The following LDHB variants were observed in gnomAD, a reference collection of about 807,000 sequenced individuals.
The protein encoded by LDHB is L-lactate dehydrogenase B chain.
In LDHB, 18 loss-of-function variants were observed where a neutral mutation model predicts 33.4. That is an observed-to-expected ratio of 0.54 (90% confidence interval 0.37 to 0.80). The LOEUF is 0.80. LDHB is among the 30% of genes least tolerant of loss of function. The pLI, the probability that LDHB is intolerant of heterozygous loss-of-function variation, is 0.00. For missense variants in LDHB, 345 were observed against 407.9 expected (o/e 0.85, Z 1.33); for synonymous variants, 121 against 140.6 (o/e 0.86, Z 0.98).
intron 7 of LDHB, 32 bp from the exon 8 acceptor site, chr12:21,635,741 C>T: frequency 3.1e-6 from 5 of 1,602,812 alleles, no homozygotes; most frequent in Non-Finnish European, 4.3e-6. Flanking sequence ...GAGATTAAGA[C>T]ATGAAACTGT....
intron 5 of LDHB, among the ~76,000 whole-genome samples, chr12:21,638,824 T>G (rs1314253971): frequency 6.6e-6 from 1 of 152,032 alleles, no homozygotes; most frequent in Non-Finnish European, 1.5e-5. Context: ...TGTTTAACTT[T>G]TCTCCTCCAT....
rs1045046439 is a variant in LDHB, at chr12:21,655,273, A to C, written c.-6-596T>G. ...TAGGTTGTTAATATTTCTGGCTAAA[A>C]ACCTGTGAACATTTGTTTAAATTAG... On this transcript the variant is annotated intron_variant, in intron 1 of 7. Transcript: ENST00000350669. Among the ~76,000 whole-genome samples the C allele has an allele frequency of 3.3e-5, 5 of 152,204 alleles. No individual in the cohort carries two copies. The South Asian group carries it at 6.2e-4, about 19-fold the overall frequency.
At chr12:21,652,110 C>T (rs372492226) in intron 2 of LDHB, among the ~76,000 whole-genome samples, 9 of 151,836 alleles carry the variant, frequency 5.9e-5, no homozygotes, top group African/African-American at 2.2e-4. Context: ...TTTATGATTA[C>T]ATCATAGAGG....
chr12:21,642,224 TC>T, intron 4 of LDHB, 99 bp from the exon 5 acceptor site: 1 of 781,320 alleles, frequency 1.3e-6, no homozygotes, highest in Non-Finnish European at 2.3e-6. Context: ...ACTTCCCCAC[TC>T]CCCAAATGAG....
At chr12:21,654,845 G>T (rs1448178421) in intron 1 of LDHB, among the ~76,000 whole-genome samples, 168 bp from the exon 2 acceptor site, 1 of 151,990 alleles carries the variant, frequency 6.6e-6, no homozygotes, top group African/African-American at 2.4e-5. Context: ...AGACCCGGCT[G>T]GGCATGGTGG....
At chr12:21,642,535 T>C (rs1938402533) in intron 4 of LDHB, among the ~76,000 whole-genome samples, 1 of 152,170 alleles carries the variant, frequency 6.6e-6, no homozygotes, top group Non-Finnish European at 1.5e-5. Context: ...AAGCCTTTGA[T>C]TACTAAACTA....
At chr12:21,650,493 T>G (rs992942971) in intron 2 of LDHB, among the ~76,000 whole-genome samples, 4 of 152,200 alleles carry the variant, frequency 2.6e-5, no homozygotes, top group Admixed American at 2.6e-4. Flanking sequence ...TGGCTACAGT[T>G]GACTGAAGCA....
At chr12:21,643,322 T>A (rs1424953414) in intron 4 of LDHB, among the ~76,000 whole-genome samples, 2 of 152,238 alleles carry the variant, frequency 1.3e-5, no homozygotes, top group East Asian at 3.8e-4. Context: ...AAGCAGTATA[T>A]CAAATAGAGC....
intron 2 of LDHB, among the ~76,000 whole-genome samples, chr12:21,651,447 G>C (rs528376693): frequency 2.0e-5 from 3 of 152,296 alleles, no homozygotes; most frequent in Admixed American, 6.5e-5. Flanking sequence ...ACTGTACAAA[G>C]GGGCCTTAGT....
At chr12:21,655,302 A>G (rs1352246087) in intron 1 of LDHB, among the ~76,000 whole-genome samples, 4 of 152,192 alleles carry the variant, frequency 2.6e-5, no homozygotes, top group Non-Finnish European at 5.9e-5. Context: ...AAATTAGCTA[A>G]TTTGTTTGTT....
chr12:21,638,643 G>A (rs1483905070), intron 5 of LDHB, 173 bp from the exon 6 acceptor site: 8 of 589,796 alleles, frequency 1.4e-5, no homozygotes, highest in African/African-American at 9.3e-5. Flanking sequence ...AAAGGCTGAC[G>A]TTTGCCTTCA....
chr12:21,650,506 G>C (rs1677085), intron 2 of LDHB, among the ~76,000 whole-genome samples: 143,935 of 152,282 alleles, frequency 0.95, 68,523 homozygotes, highest in East Asian at 1. Flanking sequence ...CTGAAGCAAA[G>C]ATAAACACTC....
rs1411387167 is a variant in LDHB at position 21,640,439 on chromosome 12, CTA to C, written c.595+1511_595+1512del. ...ACTTCAATTTAAGTTCCTAAAGAAA[CTA>C]TTTAGTTTTATCATACAGTCTCTTA... On this transcript the variant is annotated intron_variant, in intron 5 of 7. Transcript: ENST00000350669. Among the ~76,000 whole-genome samples the C allele has an allele frequency of 1.1e-4, 17 of 151,586 alleles. No individual in the cohort carries two copies. The South Asian group carries it at 3.5e-3, about 31-fold the overall frequency.
At chr12:21,643,883 A>C in intron 4 of LDHB, 52 bp downstream of exon 4, 1 of 1,389,998 alleles carries the variant, frequency 7.2e-7, no homozygotes, top group Non-Finnish European at 1.0e-6. Context: ...AACAACAGAA[A>C]CACCAAAACA....
At chr12:21,651,128 T>C (rs1591834881) in intron 2 of LDHB, among the ~76,000 whole-genome samples, 1 of 152,030 alleles carries the variant, frequency 6.6e-6, no homozygotes, top group East Asian at 1.9e-4. Flanking sequence ...AGAAAGCAAA[T>C]AGAAGAGATG....
At chr12:21,635,778 C>T (rs1040442214) in intron 7 of LDHB, 69 bp from the exon 8 acceptor site, 1 of 1,436,122 alleles carries the variant, frequency 7.0e-7, no homozygotes, top group African/African-American at 1.4e-5. Context: ...AGACAGGAGG[C>T]TGAGGTGGGA....
intron 3 of LDHB, among the ~76,000 whole-genome samples, chr12:21,645,905 A>G (rs955748695): frequency 5.9e-5 from 9 of 152,164 alleles, no homozygotes; most frequent in African/African-American, 2.2e-4. Context: ...AATGCCCACA[A>G]GGGTGGAGAG....
chr12:21,643,609 A>T (rs1382081954), intron 4 of LDHB: 3 of 277,938 alleles, frequency 1.1e-5, no homozygotes, highest in African/African-American at 6.5e-5. Flanking sequence ...GTTTCTTACA[A>T]ATTGAAACTA....
At position 21,654,611 on chromosome 12, in the gene LDHB, T is replaced by A. The variant is rs1219394608; in HGVS notation, c.61A>T (p.Asn21Tyr). The A allele has an allele frequency of 6.2e-7, 1 of 1,613,964 alleles. No homozygotes were observed. Among genetic ancestry groups the A allele is most frequent in the African/African-American group, 1.3e-5 (1 of 74,934 alleles). ...ACACCCACTACAGTGATCTTATTGT[T>A]TGGAACTGTTGCCTCTTCTTCCGCA... Reference protein sequence around the residue: ...PVAEEEATVPNNKITVVGVGQ... With the variant: ...PVAEEEATVPYNKITVVGVGQ... The change falls in exon 2 of 8, where the codon AAC (asparagine) becomes TAC (tyrosine). Residue 21 changes from asparagine to tyrosine, a missense_variant. Asn to Tyr is a moderately radical substitution (Grantham distance 143). Transcript: ENST00000350669.
Sources: gnomAD v4.1 joint callset for allele counts (sites outside exome capture counted in the v4.1 genomes callset) on GRCh38, gnomAD v4.1.1 for gene constraint, MANE v1.5 for transcripts, NCBI Gene and HGNC (gene_info 2026-07-23, HGNC 2026-07-21) for gene names.